The following SGCD variants were observed in gnomAD, a reference collection of about 807,000 sequenced individuals.
SGCD encodes the protein delta-sarcoglycan.
In SGCD, 18 loss-of-function variants were observed where a neutral mutation model predicts 36.6. That is an observed-to-expected ratio of 0.49 (90% CI 0.34 to 0.73). The LOEUF is 0.73. Ranked by LOEUF, SGCD falls within the 30% of genes least tolerant of loss-of-function variation. The pLI, the probability that SGCD is intolerant of heterozygous loss-of-function variation, is 0.01. For missense variants in SGCD, 387 were observed against 346.7 expected, an observed-to-expected ratio of 1.12 and a Z score of -0.92; for synonymous variants, 133 against 130.6, an observed-to-expected ratio of 1.02 and a Z score of -0.12.
chr5:155,978,659 G>A (rs1439473865), intron 1 of SGCD, among the ~76,000 whole-genome samples: 1 of 152,174 alleles, frequency 6.6e-6, no homozygotes, highest in Non-Finnish European at 1.5e-5. Flanking sequence ...AATATCAACT[G>A]TGGCCTTTCA....
At chr5:156,505,859 C>A (rs145581470) in intron 3 of SGCD, among the ~76,000 whole-genome samples, 68 of 151,990 alleles carry the variant, frequency 4.5e-4, no homozygotes, top group African/African-American at 1.5e-3. Flanking sequence ...AGAAATTTGA[C>A]TTCTTTGAAT....
chr5:156,336,414 A>G (rs1025809912), intron 2 of SGCD, among the ~76,000 whole-genome samples: 33 of 152,356 alleles, frequency 2.2e-4, no homozygotes, highest in Non-Finnish European at 4.1e-4. Context: ...ACAAGTAGAA[A>G]AAGTTACATT....
At chr5:156,124,495 T>A (rs908457381) in intron 3 of SGCD, among the ~76,000 whole-genome samples, 40 of 152,192 alleles carry the variant, frequency 2.6e-4, no homozygotes, top group Admixed American at 1.1e-3. Flanking sequence ...TTATTTTATA[T>A]CCATGCTGGA....
chr5:155,920,554 T>C (rs1321313438), intron 1 of SGCD, among the ~76,000 whole-genome samples: 2 of 151,908 alleles, frequency 1.3e-5, no homozygotes, highest in African/African-American at 4.8e-5. Flanking sequence ...AGGGAGGAAA[T>C]GGCAAAGAGA....
chr5:156,489,057 A>G (rs888601384), intron 3 of SGCD, among the ~76,000 whole-genome samples: 1 of 152,164 alleles, frequency 6.6e-6, no homozygotes, highest in African/African-American at 2.4e-5. Flanking sequence ...ATGGAAACCA[A>G]AAGAAGCAGG....
rs763067309 is a variant in SGCD, at chr5:155,975,609, C to CTTTTTTTTTTTTTTTTTTTTTTTTTTTT, written c.-282+105195_-282+105222dup. Among the ~76,000 whole-genome samples the CTTTTTTTTTTTTTTTTTTTTTTTTTTTT allele has an allele frequency of 1.4e-4, 4 of 28,026 alleles. 2 individuals carry two copies. The highest frequency in any genetic ancestry group is 1.4e-4 in the Non-Finnish European group (2 of 14,592). 18.4% of individuals were successfully genotyped at this position (28,026 alleles called of 152,430 possible). On this transcript the variant is annotated intron_variant, in intron 1 of 9. Transcript: ENST00000517913. ...TGTGTTATTTATTTTTCTTTCTTTC[C>CTTTTTTTTTTTTTTTTTTTTTTTTTTTT]TTTTTTTTTTTTTTTTTTTTTTTTT...
the SGCD span, among the ~76,000 whole-genome samples, chr5:155,766,561 G>A: frequency 6.6e-6 from 1 of 152,050 alleles, no homozygotes; most frequent in Non-Finnish European, 1.5e-5. Context: ...TTTATCTGGG[G>A]TACCCTTCTG....
intron 4 of SGCD, among the ~76,000 whole-genome samples, chr5:156,528,533 A>G (rs979038762): frequency 6.6e-6 from 1 of 152,128 alleles, no homozygotes; most frequent in East Asian, 1.9e-4. Flanking sequence ...TTTTGGAGAG[A>G]CAAACATCTC....
At chr5:155,996,188 T>C (rs1445344645) in intron 1 of SGCD, among the ~76,000 whole-genome samples, 1 of 152,102 alleles carries the variant, frequency 6.6e-6, no homozygotes, top group Non-Finnish European at 1.5e-5. Context: ...GCTAAAGTCA[T>C]GTCACAGGGG....
intron 3 of SGCD, among the ~76,000 whole-genome samples, chr5:156,227,955 G>A (rs1336602417): frequency 6.6e-6 from 1 of 152,022 alleles, no homozygotes; most frequent in Non-Finnish European, 1.5e-5. Context: ...TGGTTTTGAA[G>A]GTTCCTTTTG....
intron 1 of SGCD, among the ~76,000 whole-genome samples, chr5:155,970,370 C>A (rs182616188): frequency 3.8e-4 from 58 of 152,192 alleles, no homozygotes; most frequent in African/African-American, 1.4e-3. Flanking sequence ...ATATACTAAG[C>A]ATTTTACATA....
chr5:156,239,451 T>C (rs182669390), intron 3 of SGCD, among the ~76,000 whole-genome samples: 1 of 143,976 alleles, frequency 6.9e-6, no homozygotes, highest in Non-Finnish European at 1.5e-5. Context: ...GGGGGAATAG[T>C]ATAGTGCAAA....
intron 3 of SGCD, among the ~76,000 whole-genome samples, chr5:156,498,935 C>CGT (rs71577198): frequency 0.016 from 2,456 of 149,412 alleles, 41 homozygotes; most frequent in African/African-American, 0.04. Context: ...ATGTGTGCTA[C>CGT]GTGTGTGTGT....
At chr5:156,710,512 A>G (rs1754941393) in intron 7 of SGCD, among the ~76,000 whole-genome samples, 3 of 152,208 alleles carry the variant, frequency 2.0e-5, no homozygotes, top group Admixed American at 1.3e-4. Context: ...ACACGTGCCC[A>G]AGGTGGTTGG....
chr5:156,654,827 C>T (rs1763611250), intron 7 of SGCD, among the ~76,000 whole-genome samples: 1 of 152,128 alleles, frequency 6.6e-6, no homozygotes, highest in Admixed American at 6.6e-5. Context: ...ACCTAATTTT[C>T]TCCAAAGTTA....
intron 2 of SGCD, among the ~76,000 whole-genome samples, chr5:156,332,756 C>A (rs1021912299): frequency 6.6e-6 from 1 of 152,104 alleles, no homozygotes; most frequent in Admixed American, 6.5e-5. Context: ...AGACTGAAAA[C>A]ATTAAATGTG....
At chr5:156,091,143 G>A (rs1223190775) in intron 1 of SGCD, among the ~76,000 whole-genome samples, 1 of 152,194 alleles carries the variant, frequency 6.6e-6, no homozygotes, top group East Asian at 1.9e-4. Flanking sequence ...GAAATTATAA[G>A]AGTATTGATT....
chr5:156,416,899 T>C (rs1479286468), intron 3 of SGCD, among the ~76,000 whole-genome samples: 1 of 152,198 alleles, frequency 6.6e-6, no homozygotes, highest in Non-Finnish European at 1.5e-5. Context: ...GAGTGGAAAA[T>C]GGCATGTGAT....
At chr5:156,516,701 G>A (rs896764472) in intron 4 of SGCD, among the ~76,000 whole-genome samples, 2 of 152,174 alleles carry the variant, frequency 1.3e-5, no homozygotes, top group African/African-American at 4.8e-5. Context: ...GGCTTCAGAA[G>A]GTGGGTAATA....
Sources: gnomAD v4.1 joint callset for allele counts (sites outside exome capture counted in the v4.1 genomes callset) on GRCh38, gnomAD v4.1.1 for gene constraint, MANE v1.5 for transcripts, NCBI Gene and HGNC (gene_info 2026-07-23, HGNC 2026-07-21) for gene names.